ZNF664: variants seen among roughly 807,000 people sequenced by gnomAD.
The protein encoded by ZNF664 is zinc finger protein 664.
In ZNF664, 10 loss-of-function variants were observed where a neutral mutation model predicts 18.2. The ratio of observed to expected loss-of-function variants is 0.55; its 90% CI spans 0.34 to 0.93. ZNF664 has a LOEUF of 0.93. Ranked by LOEUF, ZNF664 falls within the 40% of genes least tolerant of loss-of-function variation. The pLI is 0.02. For synonymous variants in ZNF664, 119 were observed against 104.2 expected (o/e 1.14, Z -0.86); for missense variants, 193 against 319.0 (o/e 0.61, Z 3.01).
intron 2 of ZNF664, among the ~76,000 whole-genome samples, chr12:123,987,285 A>G (rs983831649): frequency 6.6e-6 from 1 of 152,228 alleles, no homozygotes; most frequent in African/African-American, 2.4e-5. Flanking sequence ...TCCTTAATAT[A>G]TCATAACTCC....
intron 3 of ZNF664, among the ~76,000 whole-genome samples, chr12:124,009,736 A>G (rs1454543865): frequency 6.6e-6 from 1 of 152,098 alleles, no homozygotes; most frequent in Non-Finnish European, 1.5e-5. Context: ...GGCTGGTCTC[A>G]GACTCCTAGC....
At position 124,013,554 on chromosome 12, in the gene ZNF664, C is replaced by T. The variant is rs1957157835; in HGVS notation, c.*624C>T. ...CATAATTCCCATTCACTTAGCCTATCAGAAAAGTCATTGGCAGACATATAT... is the reference window on the plus strand; with the variant it reads ...CATAATTCCCATTCACTTAGCCTATTAGAAAAGTCATTGGCAGACATATAT... On this transcript the variant is annotated 3_prime_UTR_variant, in exon 5 of 5. Coordinates refer to ENST00000337815, the MANE Select transcript of ZNF664 (RefSeq NM_152437.3). 1 of 168,802 alleles carries T rather than the reference C, an allele frequency of 5.9e-6. No homozygotes were observed. The highest frequency in any genetic ancestry group is 1.4e-5 in the Non-Finnish European group (1 of 69,362). The allele number at this position is 168,802 out of a possible 1,614,324, so 10.5% of individuals were successfully genotyped here.
chr12:123,990,473 G>C (rs1956876653), intron 3 of ZNF664, among the ~76,000 whole-genome samples: 1 of 152,132 alleles, frequency 6.6e-6, no homozygotes, highest in Non-Finnish European at 1.5e-5. Flanking sequence ...GCTAGGCTGG[G>C]GCCCCTGTGA....
chr12:123,983,572 C>G (rs1254297341), intron 2 of ZNF664, among the ~76,000 whole-genome samples: 1 of 152,082 alleles, frequency 6.6e-6, no homozygotes, highest in African/African-American at 2.4e-5. Flanking sequence ...CAGAGCAGAC[C>G]CCTGTCCCAA....
chr12:123,994,651 G>C (rs531657916), intron 3 of ZNF664, among the ~76,000 whole-genome samples: 1 of 152,200 alleles, frequency 6.6e-6, no homozygotes, highest in African/African-American at 2.4e-5. Flanking sequence ...AGCCTTTTCA[G>C]ATAATTGTGG....
In ZNF664 at chr12:124,013,953, C is replaced by T. The variant is rs1957162785; in HGVS notation, c.*1023C>T. 6.0e-6 allele frequency: 1 copy of T among 167,094 alleles called. No individual in the cohort carries two copies. The highest frequency in any genetic ancestry group is 2.4e-5 in the African/African-American group (1 of 41,454). 10.4% of individuals were successfully genotyped at this position (167,094 alleles called of 1,614,324 possible). A position where few individuals can be genotyped will look rare whatever the true frequency, so the allele number is the denominator to read the frequency against. The stretch of plus-strand genomic sequence containing the variant: ...GGCATGAACGTCTTTATTAATCCAT[C>T]ATTCTTTTCTTCATTCAACAAATAT... On this transcript the variant is annotated 3_prime_UTR_variant, in exon 5 of 5. Coordinates refer to ENST00000337815, the MANE Select transcript of ZNF664 (RefSeq NM_152437.3).
At chr12:123,996,288 C>CTT (rs1956947490) in intron 3 of ZNF664, among the ~76,000 whole-genome samples, 1 of 152,200 alleles carries the variant, frequency 6.6e-6, no homozygotes, top group African/African-American at 2.4e-5. Context: ...AGTGGGAGAG[C>CTT]TGCAACTTGA....
At chr12:123,979,115 C>A (rs1956730528) in intron 2 of ZNF664, among the ~76,000 whole-genome samples, 1 of 152,176 alleles carries the variant, frequency 6.6e-6, no homozygotes, top group East Asian at 1.9e-4. Context: ...AAGACCAAGA[C>A]CTAAAATCAT....
At chr12:123,987,506 C>T (rs1956839257) in intron 2 of ZNF664, among the ~76,000 whole-genome samples, 2 of 152,134 alleles carry the variant, frequency 1.3e-5, no homozygotes, top group Non-Finnish European at 2.9e-5. Context: ...CTTAAATTAC[C>T]TTATCAGATC....
At chr12:123,993,784 T>C (rs1265604786) in intron 3 of ZNF664, among the ~76,000 whole-genome samples, 2 of 152,172 alleles carry the variant, frequency 1.3e-5, no homozygotes, top group Non-Finnish European at 2.9e-5. Flanking sequence ...TTTTATCTGC[T>C]GAGACTTGCC....
chr12:124,001,526 T>G (rs1957012288), intron 3 of ZNF664, among the ~76,000 whole-genome samples: 1 of 152,152 alleles, frequency 6.6e-6, no homozygotes, highest in Non-Finnish European at 1.5e-5. Context: ...CACGCATGCC[T>G]TTCCCTCGGG....
At chr12:124,005,541 T>G (rs1957063552) in intron 3 of ZNF664, among the ~76,000 whole-genome samples, 1 of 149,436 alleles carries the variant, frequency 6.7e-6, no homozygotes, top group Non-Finnish European at 1.5e-5. Context: ...TAGGCCAGCA[T>G]GTCTGTATTA....
intron 2 of ZNF664, among the ~76,000 whole-genome samples, chr12:123,987,594 G>A (rs1266921677): frequency 6.6e-6 from 1 of 152,162 alleles, no homozygotes; most frequent in Non-Finnish European, 1.5e-5. Context: ...AGTAGGGCCA[G>A]GACATGAACT....
At chr12:124,010,138 A>T (rs1215793087) in intron 3 of ZNF664, among the ~76,000 whole-genome samples, 2 of 152,216 alleles carry the variant, frequency 1.3e-5, no homozygotes, top group Non-Finnish European at 2.9e-5. Context: ...AGGACAAAGG[A>T]TAGATGCAAA....
chr12:124,013,009 C>G lies in ZNF664; in HGVS notation c.*79C>G. The stretch of plus-strand genomic sequence containing the variant: ...AAACCCTGTATATACCTACATTGAC[C>G]CAAGAAATATTTACGCAATCCCTAG... On this transcript the variant is annotated 3_prime_UTR_variant, in exon 5 of 5. Coordinates refer to ENST00000337815, the MANE Select transcript of ZNF664 (RefSeq NM_152437.3). 4 of 1,482,288 alleles carry G rather than the reference C, an allele frequency of 2.7e-6. No individual in the cohort carries two copies. The highest frequency in any genetic ancestry group is 2.4e-5 in the East Asian group (1 of 42,150). The allele number at this position is 1,482,288 out of a possible 1,614,324, so 91.8% of individuals were successfully genotyped here.
At chr12:123,979,770 C>T (rs1337754123) in intron 2 of ZNF664, among the ~76,000 whole-genome samples, 1 of 152,090 alleles carries the variant, frequency 6.6e-6, no homozygotes, top group African/African-American at 2.4e-5. Flanking sequence ...GCCTCAGCCT[C>T]CTGGGCTCAA....
intron 1 of ZNF664, 67 bp downstream of exon 1, chr12:123,973,419 A>C: frequency 1.9e-5 from 4 of 210,794 alleles, no homozygotes; most frequent in South Asian, 4.0e-4. Context: ...GCCGGGGGCC[A>C]GGGAGCGGGC....
At chr12:123,997,317 T>C (rs1956961380) in intron 3 of ZNF664, among the ~76,000 whole-genome samples, 1 of 152,178 alleles carries the variant, frequency 6.6e-6, no homozygotes, top group Non-Finnish European at 1.5e-5. Context: ...ACATCCTCCT[T>C]GTAGTTTCCT....
Position 124,011,690 on chromosome 12 carries a change from G to A in ZNF664, c.-455G>A. On this transcript the variant is annotated 5_prime_UTR_variant, in exon 5 of 5. Coordinates refer to ENST00000337815, the MANE Select transcript of ZNF664 (RefSeq NM_152437.3). ...ACTGACTCTTCAAGGGGCAACTGCA[G>A]GGGCTCGAGACCAGCCAGCAGTATC... 9.9e-7 allele frequency: 1 copy of A among 1,007,026 alleles called. No individual in the cohort carries two copies. Among genetic ancestry groups the A allele is most frequent in the Non-Finnish European group, 1.2e-6 (1 of 846,402 alleles). The allele number at this position is 1,007,026 out of a possible 1,614,324, so 62.4% of individuals were successfully genotyped here.
Sources: gnomAD v4.1 joint callset for allele counts (sites outside exome capture counted in the v4.1 genomes callset) on GRCh38, gnomAD v4.1.1 for gene constraint, MANE v1.5 for transcripts, NCBI Gene and HGNC (gene_info 2026-07-23, HGNC 2026-07-21) for gene names.